Variants in SRPX observed in about 807,000 individuals in gnomAD.
SRPX encodes the protein sushi repeat-containing protein SRPX.
A neutral mutation model predicts 38.1 loss-of-function variants in SRPX; 24 were observed. The ratio of observed to expected loss-of-function variants is 0.63; its 90% CI spans 0.46 to 0.89. The LOEUF is 0.89. SRPX is among the 40% of genes least tolerant of loss of function. The pLI, the probability that SRPX is intolerant of heterozygous loss-of-function variation, is 0.00. For synonymous variants in SRPX, 184 were observed against 153.8 expected (o/e 1.20, Z -1.45); for missense variants, 416 against 377.8 (o/e 1.10, Z -0.84).
chrX:38,196,478 A>G (rs923396478), intron 1 of SRPX, among the ~76,000 whole-genome samples: 1 of 112,560 alleles, frequency 8.9e-6, no homozygotes, highest in Non-Finnish European at 1.9e-5. Context: ...GCTAATCATG[A>G]CCACTACAAG....
At chrX:38,203,543 C>T (rs1939153966) in intron 1 of SRPX, among the ~76,000 whole-genome samples, 1 of 113,175 alleles carries the variant, frequency 8.8e-6, no homozygotes, top group Non-Finnish European at 1.9e-5. Flanking sequence ...CTTTGGGAGG[C>T]TGAGGCGAGT....
chrX:38,174,285 C>G lies in SRPX; in HGVS notation c.224G>C (p.Gly75Ala). 2 of 1,153,776 alleles carry G rather than the reference C, an allele frequency of 1.7e-6. No individual in the cohort carries two copies. The highest frequency in any genetic ancestry group is 2.3e-6 in the Non-Finnish European group (2 of 867,235). Reference sequence around the variant, plus strand: ...GGTTCCCAGGGCTGTTTTGTAGTATCCTCCTTGAGGGGCCCTGCAGTACAC... The same window carrying G: ...GGTTCCCAGGGCTGTTTTGTAGTATGCTCCTTGAGGGGCCCTGCAGTACAC... ...GDVYCRAPQG[G>A]YYKTALGTRC... Residue 75 changes from glycine to alanine, a missense_variant, in exon 3 of 10, where the codon GGA becomes GCA. Physicochemically the swap from Gly to Ala is moderately conservative, Grantham distance 60 (BLOSUM62 0). Coordinates refer to ENST00000378533, the MANE Select transcript of SRPX (RefSeq NM_006307.5).
At chrX:38,206,094 T>C (rs1401417173) in intron 1 of SRPX, among the ~76,000 whole-genome samples, 1 of 113,083 alleles carries the variant, frequency 8.8e-6, no homozygotes, top group Non-Finnish European at 1.9e-5. Flanking sequence ...TCCTGGTAGC[T>C]TTGGCTTTTG....
chrX:38,182,098 C>T (rs988634362), intron 1 of SRPX, among the ~76,000 whole-genome samples: 2 of 112,320 alleles, frequency 1.8e-5, no homozygotes, highest in East Asian at 5.6e-4. Context: ...TTTCTATGCA[C>T]TATCTCATTA....
chrX:38,217,794 G>A (rs1184113264), intron 1 of SRPX, among the ~76,000 whole-genome samples: 1 of 112,126 alleles, frequency 8.9e-6, no homozygotes, highest in African/African-American at 3.2e-5. Context: ...AAGATGTGAA[G>A]ACGCTGCTTT....
intron 1 of SRPX, among the ~76,000 whole-genome samples, chrX:38,215,896 C>T (rs761633241): frequency 8.9e-6 from 1 of 112,054 alleles, no homozygotes; most frequent in Non-Finnish European, 1.9e-5. Flanking sequence ...GGAAAGGCCA[C>T]CTGCTCACTG....
At chrX:38,210,872 A>T (rs1424818200) in intron 1 of SRPX, among the ~76,000 whole-genome samples, 1 of 111,943 alleles carries the variant, frequency 8.9e-6, no homozygotes, top group Non-Finnish European at 1.9e-5. Context: ...ATCTTGTTAA[A>T]AGGTAGGTGC....
At chrX:38,180,333 A>G (rs1193509899) in intron 1 of SRPX, among the ~76,000 whole-genome samples, 1 of 111,487 alleles carries the variant, frequency 9.0e-6, no homozygotes, top group Non-Finnish European at 1.9e-5. Context: ...CTTTCTAAAC[A>G]GACTCTCTGG....
chrX:38,154,329 C>T, intron 9 of SRPX, 133 bp downstream of exon 9: 1 of 737,118 alleles, frequency 1.4e-6, no homozygotes, highest in Admixed American at 3.7e-5. Context: ...ATGGTTATAA[C>T]ACTCCCAGAA....
chrX:38,184,050 G>A (rs933280595), intron 1 of SRPX, among the ~76,000 whole-genome samples: 1 of 111,076 alleles, frequency 9.0e-6, no homozygotes, highest in African/African-American at 3.3e-5. Flanking sequence ...AGATCATCGA[G>A]GCACCAAAGT....
intron 1 of SRPX, among the ~76,000 whole-genome samples, chrX:38,199,708 A>G (rs915050535): frequency 1.5e-4 from 16 of 109,237 alleles, no homozygotes; most frequent in Non-Finnish European, 2.9e-4. Flanking sequence ...CGTGAGCAGG[A>G]TACAGATGAG....
At chrX:38,180,810 G>C (rs1474850293) in intron 1 of SRPX, among the ~76,000 whole-genome samples, 1 of 112,162 alleles carries the variant, frequency 8.9e-6, no homozygotes, top group Non-Finnish European at 1.9e-5. Flanking sequence ...TCATTTTGAA[G>C]AGGTTTCTTA....
intron 1 of SRPX, among the ~76,000 whole-genome samples, chrX:38,184,791 GT>G (rs1192623728): frequency 8.9e-6 from 1 of 111,765 alleles, no homozygotes; most frequent in East Asian, 2.8e-4. Flanking sequence ...AAGCAAATAT[GT>G]TTTTAAAAAG....
chrX:38,177,548 A>T (rs866714824), intron 2 of SRPX, among the ~76,000 whole-genome samples: 1 of 96,800 alleles, frequency 1.0e-5, no homozygotes, highest in African/African-American at 3.8e-5. Context: ...TTTGTTAACC[A>T]TTTTTTTTTT....
At chrX:38,177,938 T>G (rs1441237526) in intron 2 of SRPX, among the ~76,000 whole-genome samples, 1 of 112,082 alleles carries the variant, frequency 8.9e-6, no homozygotes, top group African/African-American at 3.2e-5. Context: ...AGATTTGACC[T>G]TAGGTGGTTT....
intron 1 of SRPX, among the ~76,000 whole-genome samples, chrX:38,203,166 A>G (rs1939144939): frequency 8.9e-6 from 1 of 111,966 alleles, no homozygotes; most frequent in African/African-American, 3.2e-5. Context: ...TAACAAACTA[A>G]AGAAGAAAAT....
At chrX:38,218,441 C>CA (rs1174857307) in intron 1 of SRPX, among the ~76,000 whole-genome samples, 1 of 112,326 alleles carries the variant, frequency 8.9e-6, no homozygotes, top group African/African-American at 3.2e-5. Context: ...TGCTAGGCTG[C>CA]AAAAAATAGA....
intron 9 of SRPX, among the ~76,000 whole-genome samples, chrX:38,150,217 G>A (rs966458546): frequency 8.9e-6 from 1 of 112,432 alleles, no homozygotes; most frequent in African/African-American, 3.2e-5. Context: ...TAGTCAGGAA[G>A]ACTTCAGGCG....
At chrX:38,200,968 T>G (rs1321787507) in intron 1 of SRPX, among the ~76,000 whole-genome samples, 1 of 111,915 alleles carries the variant, frequency 8.9e-6, no homozygotes, top group African/African-American at 3.3e-5. Context: ...TGTCAATAAA[T>G]ACGTTTTTGG....
Sources: gnomAD v4.1 joint callset for allele counts (sites outside exome capture counted in the v4.1 genomes callset) on GRCh38, gnomAD v4.1.1 for gene constraint, MANE v1.5 for transcripts, NCBI Gene and HGNC (gene_info 2026-07-23, HGNC 2026-07-21) for gene names.